The following SNAPC3 variants were observed in gnomAD, a reference collection of about 807,000 sequenced individuals.
The protein encoded by SNAPC3 is snRNA-activating protein complex subunit 3.
A neutral mutation model predicts 47.7 loss-of-function variants in SNAPC3; 56 were observed. The ratio of observed to expected loss-of-function variants is 1.18; its 90% CI spans 0.95 to 1.47. SNAPC3 has a LOEUF of 1.47. Ranked by LOEUF, SNAPC3 falls within the 40% of genes most tolerant of loss-of-function variation. The probability of loss-of-function intolerance (pLI) is 0.00; values close to 1 mark genes in which losing one functional copy is unlikely to be tolerated. For synonymous variants in SNAPC3, 235 were observed against 189.9 expected (o/e 1.24, Z -1.95); for missense variants, 665 against 511.3 (o/e 1.30, Z -2.90).
At chr9:15,453,957 T>C (rs1403835682) in intron 7 of SNAPC3, among the ~76,000 whole-genome samples, 1 of 152,148 alleles carries the variant, frequency 6.6e-6, no homozygotes, top group Non-Finnish European at 1.5e-5. Flanking sequence ...AACTGATGCC[T>C]GCCGGGTGCA....
At chr9:15,427,065 CATAAA>C in intron 2 of SNAPC3, among the ~76,000 whole-genome samples, 1 of 152,254 alleles carries the variant, frequency 6.6e-6, no homozygotes. Context: ...TTTATTATGA[CATAAA>C]ATAAATTTCT....
chr9:15,448,593 G>A (rs1187452203), intron 5 of SNAPC3, among the ~76,000 whole-genome samples: 5 of 152,132 alleles, frequency 3.3e-5, no homozygotes, highest in Admixed American at 2.0e-4. Context: ...GTGTCCGTCT[G>A]CTCCACAGGC....
chr9:15,455,582 A>G (rs1275887630), intron 7 of SNAPC3, among the ~76,000 whole-genome samples: 1 of 152,108 alleles, frequency 6.6e-6, no homozygotes, highest in Non-Finnish European at 1.5e-5. Context: ...AAAAAAAATT[A>G]TATAAGCTGT....
At chr9:15,462,348 CCA>C (rs2035278118), downstream of SNAPC3, 1 of 152,126 alleles carries the variant, frequency 6.6e-6, no homozygotes, top group Non-Finnish European at 1.5e-5. Context: ...CAGGTTACTC[CCA>C]CAGTTTGCCC....
chr9:15,436,906 C>T (rs1234729080), intron 3 of SNAPC3, among the ~76,000 whole-genome samples: 2 of 148,146 alleles, frequency 1.4e-5, no homozygotes, highest in East Asian at 2.0e-4. Flanking sequence ...TCACCGCAAC[C>T]TTCGCCTCCC....
chr9:15,449,349 A>C (rs953678033), intron 5 of SNAPC3, among the ~76,000 whole-genome samples: 4 of 151,976 alleles, frequency 2.6e-5, no homozygotes, highest in Non-Finnish European at 5.9e-5. Context: ...AATCAAGTCC[A>C]GTCTGGGCAA....
chr9:15,451,379 C>T lies in SNAPC3; in HGVS notation c.792C>T (p.Tyr264=), dbSNP rs1467347252. 8 of 1,544,004 alleles carry T rather than the reference C, an allele frequency of 5.2e-6. No homozygotes were observed. Among genetic ancestry groups the T allele is most frequent in the African/African-American group, 4.1e-5 (3 of 73,484 alleles). Residue 264 remains tyrosine (Y), a synonymous_variant, in exon 6 of 9, where the codon TAC becomes TAT. Transcript: ENST00000380821. ...FEGTFYNDKR[Y]PECRDLSRTI... is the part of the protein sequence containing the mutation. ...GAACATTTTATAATGATAAAAGATA[C>T]CCAGAATGCAGAGATTTGAGCAGGT...
chr9:15,429,039 T>G (rs2031812321), intron 2 of SNAPC3, among the ~76,000 whole-genome samples: 1 of 152,192 alleles, frequency 6.6e-6, no homozygotes, highest in Non-Finnish European at 1.5e-5. Flanking sequence ...TATTGACTTT[T>G]GGGATATATT....
At chr9:15,448,422 C>T (rs2034110655) in intron 5 of SNAPC3, among the ~76,000 whole-genome samples, 1 of 152,202 alleles carries the variant, frequency 6.6e-6, no homozygotes, top group East Asian at 1.9e-4. Context: ...GAAGCCCTTT[C>T]CCTACTTCAT....
chr9:15,465,738 T>C (rs2035580101), downstream of SNAPC3: 4 of 562,478 alleles, frequency 7.1e-6, no homozygotes, highest in South Asian at 2.9e-5. Flanking sequence ...GTCATTATTA[T>C]TTTTTTCTTC....
At chr9:15,432,126 G>A (rs1263133563) in intron 2 of SNAPC3, 6 of 152,180 alleles carry the variant, frequency 3.9e-5, no homozygotes, top group African/African-American at 9.6e-5. Context: ...CAAATCATAG[G>A]TTGCCAACAG....
chr9:15,447,795 T>G (rs977946545), intron 5 of SNAPC3, among the ~76,000 whole-genome samples: 39 of 152,290 alleles, frequency 2.6e-4, no homozygotes, highest in African/African-American at 8.7e-4. Context: ...TCTTCACCTT[T>G]CGCTGCCCAA....
chr9:15,458,313 T>TTGTAAA, intron 8 of SNAPC3, among the ~76,000 whole-genome samples: 1 of 152,268 alleles, frequency 6.6e-6, no homozygotes, highest in East Asian at 1.9e-4. Flanking sequence ...TGTATACAGC[T>TTGTAAA]AGGTGAATAA....
At chr9:15,450,764 G>A (rs2034326199) in intron 5 of SNAPC3, among the ~76,000 whole-genome samples, 1 of 152,178 alleles carries the variant, frequency 6.6e-6, no homozygotes, top group Admixed American at 6.5e-5. Flanking sequence ...TGATTTTGCA[G>A]TCAGGATTGA....
At chr9:15,448,937 G>A (rs1057076086) in intron 5 of SNAPC3, among the ~76,000 whole-genome samples, 2 of 151,986 alleles carry the variant, frequency 1.3e-5, no homozygotes, top group African/African-American at 4.8e-5. Context: ...AGCCTCCCAA[G>A]TAGCTGGGAT....
intron 2 of SNAPC3, among the ~76,000 whole-genome samples, chr9:15,424,851 C>A (rs887910188): frequency 7.9e-5 from 12 of 152,218 alleles, no homozygotes; most frequent in Non-Finnish European, 4.4e-5. Context: ...GTCATTTCAA[C>A]TCTACTTGGG....
intron 7 of SNAPC3, among the ~76,000 whole-genome samples, chr9:15,456,560 T>C (rs1019074099): frequency 2.0e-5 from 3 of 152,112 alleles, no homozygotes; most frequent in Admixed American, 2.0e-4. Context: ...CTCAACCTCC[T>C]GGGCTGAAGT....
At position 15,423,133 on chromosome 9, in the gene SNAPC3, C is replaced by A. The variant is rs781512714; in HGVS notation, c.254C>A (p.Ala85Glu). 1 of 1,556,030 alleles carries A rather than the reference C, an allele frequency of 6.4e-7. No homozygotes were observed. The highest frequency in any genetic ancestry group is 2.4e-5 in the East Asian group (1 of 42,076). ...QAADSDREDA[A>E]VARDLDCSLE... The stretch of plus-strand genomic sequence containing the variant: ...GCTGACTCCGACCGGGAGGATGCCG[C>A]GGTGGCCAGGGATCTGGACTGCAGC... The change falls in exon 1 of 9, where the codon GCG (alanine) becomes GAG (glutamate). Residue 85 changes from alanine to glutamate, a missense_variant. By Grantham distance (107) the Ala-to-Glu change is moderately radical (BLOSUM62 -1). Coordinates refer to ENST00000380821, the MANE Select transcript of SNAPC3 (RefSeq NM_001039697.2).
chr9:15,431,926 C>T (rs1038468840), intron 2 of SNAPC3: 1 of 113,570 alleles, frequency 8.8e-6, no homozygotes, highest in Non-Finnish European at 1.6e-5. Context: ...CATGAATTTG[C>T]ATATCATCCA....
Sources: allele counts gnomAD v4.1 joint callset (sites outside exome capture counted in the v4.1 genomes callset), GRCh38; gene constraint gnomAD v4.1.1; transcripts MANE v1.5; gene names NCBI Gene and HGNC (gene_info 2026-07-23, HGNC 2026-07-21).